ATP2B4: variants seen among roughly 807,000 people sequenced by gnomAD.
The protein encoded by ATP2B4 is plasma membrane calcium-transporting ATPase 4.
A neutral mutation model predicts 110.3 loss-of-function variants in ATP2B4; 39 were observed. The observed-to-expected ratio is 0.35, with a 90% CI of 0.27 to 0.46. The LOEUF is 0.46. Among genes scored for constraint, ATP2B4 ranks in the 20% least tolerant of loss-of-function variants. The pLI is 1.00. For synonymous variants in ATP2B4, 538 were observed against 571.7 expected (o/e 0.94, Z 0.84); for missense variants, 1,135 against 1,530.9 (o/e 0.74, Z 4.32).
chr1:203,683,185 G>A lies in ATP2B4; in HGVS notation c.-21G>A, dbSNP rs758076020. The stretch of plus-strand genomic sequence containing the variant: ...AACGCTACATCTTCTCTGGTTGAGG[G>A]GCTTGGTAACAGCAGGCAAAATGAC... On this transcript the variant is annotated 5_prime_UTR_variant, in exon 2 of 21. Coordinates refer to ENST00000357681, the MANE Select transcript of ATP2B4 (RefSeq NM_001684.5). The A allele has an allele frequency of 4.4e-6, 7 of 1,609,004 alleles. No homozygotes were observed. In the South Asian group the frequency reaches 4.4e-5, roughly 10 times the overall value.
chr1:203,719,104 C>T (rs933438646), intron 15 of ATP2B4, among the ~76,000 whole-genome samples: 1 of 151,562 alleles, frequency 6.6e-6, no homozygotes, highest in Non-Finnish European at 1.5e-5. Flanking sequence ...ACACACCTGT[C>T]GTCCCAGCTA....
intron 1 of ATP2B4, among the ~76,000 whole-genome samples, chr1:203,651,093 G>C (rs1663978676): frequency 6.6e-6 from 1 of 151,972 alleles, no homozygotes; most frequent in Non-Finnish European, 1.5e-5. Context: ...GTTGTTAAAT[G>C]GCTATTTTAG....
intron 6 of ATP2B4, among the ~76,000 whole-genome samples, chr1:203,701,283 G>A (rs1298199159): frequency 6.6e-6 from 1 of 152,150 alleles, no homozygotes; most frequent in African/African-American, 2.4e-5. Flanking sequence ...CTTCCTCAAA[G>A]ATGGGGGGTT....
chr1:203,720,708 A>C lies in ATP2B4; in HGVS notation c.2566A>C (p.Ile856Leu). ...GCTCACTGTCAATGTGGTGGCCGTG[A>C]TTGTAGCCTTCACTGGAGCCTGTAT... ...FQLTVNVVAV[I>L]VAFTGACITQ... Residue 856 changes from isoleucine (I) to leucine (L), a missense_variant, in exon 16 of 21, where the codon ATT (isoleucine) becomes CTT (leucine). By Grantham distance (5) the Ile-to-Leu change is conservative. Coordinates refer to ENST00000357681, the MANE Select transcript of ATP2B4 (RefSeq NM_001684.5). 3 of 1,613,550 alleles carry C rather than the reference A, an allele frequency of 1.9e-6. No homozygotes were observed. Among genetic ancestry groups the C allele is most frequent in the Non-Finnish European group, 2.5e-6 (3 of 1,179,620 alleles).
At chr1:203,643,812 C>T (rs1440446827) in intron 1 of ATP2B4, among the ~76,000 whole-genome samples, 2 of 152,152 alleles carry the variant, frequency 1.3e-5, no homozygotes, top group Middle Eastern at 3.2e-3. Flanking sequence ...TGAGATGCAG[C>T]GACTTGTTGG....
intron 1 of ATP2B4, among the ~76,000 whole-genome samples, chr1:203,679,447 C>T (rs1664930350): frequency 6.6e-6 from 1 of 152,192 alleles, no homozygotes. Context: ...TCTAGATAAG[C>T]CTGAGGCAAA....
intron 8 of ATP2B4, among the ~76,000 whole-genome samples, chr1:203,705,710 C>T (rs1462031976): frequency 6.6e-6 from 1 of 152,204 alleles, no homozygotes; most frequent in Non-Finnish European, 1.5e-5. Context: ...AGCCACTGTA[C>T]CTGTCCCCTG....
chr1:203,720,736 C>G lies in ATP2B4; in HGVS notation c.2594C>G (p.Thr865Ser). The change falls in exon 16 of 21, where the codon ACT becomes AGT. Residue 865 changes from threonine (T) to serine (S), a missense_variant. This residue lies in a region of ATP2B4 where 70 missense variants were observed against 142.4 expected (regional missense o/e 0.49). Coordinates refer to ENST00000357681, the MANE Select transcript of ATP2B4 (RefSeq NM_001684.5). ...GTAGCCTTCACTGGAGCCTGTATCA[C>G]TCAGGTGAAGGGGGTGTGGGTGGGC... ...VIVAFTGACITQDSPLKAVQM... is the reference protein window; with the variant it reads ...VIVAFTGACISQDSPLKAVQM... The G allele has an allele frequency of 6.2e-7, 1 of 1,610,892 alleles. No individual in the cohort carries two copies. The highest frequency in any genetic ancestry group is 1.1e-5 in the South Asian group (1 of 90,546).
chr1:203,733,703 G>C (rs1666799878), intron 20 of ATP2B4: 1 of 328,214 alleles, frequency 3.0e-6, no homozygotes, highest in Non-Finnish European at 5.5e-6. Context: ...GTTTTGCTTT[G>C]CCTTTTTTGT....
intron 1 of ATP2B4, among the ~76,000 whole-genome samples, chr1:203,642,053 C>A (rs1326570291): frequency 6.6e-6 from 1 of 152,032 alleles, no homozygotes; most frequent in Non-Finnish European, 1.5e-5. Context: ...TGGTCCCTAA[C>A]CCCCACAGCC....
chr1:203,723,258 CTTTTTT>C (rs538318448), intron 18 of ATP2B4, among the ~76,000 whole-genome samples: 2 of 138,586 alleles, frequency 1.4e-5, no homozygotes, highest in African/African-American at 5.3e-5. Context: ...TCCTCAATTC[CTTTTTT>C]TTTTTTTTTT....
In ATP2B4 at chr1:203,665,004, T is replaced by G. The variant is rs560977606; in HGVS notation, c.-464-17738T>G. Among the ~76,000 whole-genome samples, 37 of 152,222 alleles carry G rather than the reference T, an allele frequency of 2.4e-4. 1 individual carries two copies. In the South Asian group the frequency reaches 7.7e-3, roughly 32 times the overall value. On this transcript the variant is annotated intron_variant, in intron 1 of 20. Coordinates refer to ENST00000357681, the MANE Select transcript of ATP2B4 (RefSeq NM_001684.5). ...CTGCCACCGCGCCTGGCTAATTTTT[T>G]GTGTTTTTAGTAGAGATGGACTTTC...
In ATP2B4 at chr1:203,704,467, C is replaced by CTTTTTTT. The variant is rs35019828; in HGVS notation, c.1099+679_1099+685dup. 1.2e-3 allele frequency among the ~76,000 whole-genome samples: 85 copies of CTTTTTTT among 68,794 alleles called. 9 individuals carry two copies. Among genetic ancestry groups the CTTTTTTT allele is most frequent in the African/African-American group, 2.5e-3 (36 of 14,534 alleles). The allele number at this position is 68,794 out of a possible 152,430, so 45.1% of individuals were successfully genotyped here. A position where few individuals can be genotyped will look rare whatever the true frequency, so the allele number is the denominator to read the frequency against. ...GTGGACATATCTCTCAAGGAACAGT[C>CTTTTTTT]TTTTTTTTTTTTTTTTTTTTTTTTT... On this transcript the variant is annotated intron_variant, in intron 8 of 20. Coordinates refer to ENST00000357681, the MANE Select transcript of ATP2B4 (RefSeq NM_001684.5).
In ATP2B4 at chr1:203,700,276, A is replaced by G; in HGVS notation, c.720A>G (p.Thr240=). Residue 240 remains threonine (T), a synonymous_variant, in exon 5 of 21, where the codon ACA becomes ACG. Coordinates refer to ENST00000357681, the MANE Select transcript of ATP2B4 (RefSeq NM_001684.5). ...NDLKIDESSL[T]GESDHVKKSL... ...TGAAGATTGATGAGAGCTCTCTGAC[A>G]GGGGAATCTGACCATGTCAAGAAGT... The G allele has an allele frequency of 6.2e-7, 1 of 1,614,052 alleles. No homozygotes were observed. Among genetic ancestry groups the G allele is most frequent in the Non-Finnish European group, 8.5e-7 (1 of 1,179,936 alleles).
chr1:203,672,548 G>A (rs1050086049), intron 1 of ATP2B4, among the ~76,000 whole-genome samples: 7 of 152,000 alleles, frequency 4.6e-5, no homozygotes, highest in East Asian at 1.9e-4. Flanking sequence ...GCTGCTGGCC[G>A]CCCTGGCCTC....
chr1:203,696,112 A>T (rs535146898), intron 2 of ATP2B4, among the ~76,000 whole-genome samples: 56 of 152,170 alleles, frequency 3.7e-4, no homozygotes, highest in Admixed American at 2.9e-3. Flanking sequence ...TTTTTAGTAG[A>T]GATGAGGTTT....
intron 1 of ATP2B4, among the ~76,000 whole-genome samples, chr1:203,655,609 G>A (rs1466464714): frequency 1.3e-5 from 2 of 151,778 alleles, no homozygotes; most frequent in Non-Finnish European, 2.9e-5. Context: ...TCATGTCAGT[G>A]CACTCCAGCC....
intron 1 of ATP2B4, among the ~76,000 whole-genome samples, chr1:203,628,344 G>T (rs1571654918): frequency 6.6e-6 from 1 of 152,162 alleles, no homozygotes; most frequent in African/African-American, 2.4e-5. Flanking sequence ...GGGTGTGGAG[G>T]GTGCAGGAGT....
chr1:203,735,356 G>A (rs1430929459), intron 20 of ATP2B4, among the ~76,000 whole-genome samples: 1 of 152,158 alleles, frequency 6.6e-6, no homozygotes, highest in Non-Finnish European at 1.5e-5. Flanking sequence ...CCCCAAATGG[G>A]ACTCAGAGAG....
Sources: allele counts gnomAD v4.1 joint callset (sites outside exome capture counted in the v4.1 genomes callset), GRCh38; gene constraint gnomAD v4.1.1; regional missense constraint gnomAD v4.1.1; transcripts MANE v1.5; gene names NCBI Gene and HGNC (gene_info 2026-07-23, HGNC 2026-07-21).